Variants in SWAP70 observed in about 807,000 individuals in gnomAD.
The protein encoded by SWAP70 is switching B cell complex subunit SWAP70, also known as switch-associated protein 70.
In SWAP70, 34 loss-of-function variants were observed where a neutral mutation model predicts 80.2. That is an observed-to-expected ratio of 0.42 (90% CI 0.32 to 0.56). The LOEUF (loss-of-function observed/expected upper bound fraction) is 0.56, where lower values mean the gene tolerates loss of function less well. Among genes scored for constraint, SWAP70 ranks in the 20% least tolerant of loss-of-function variants. The pLI, the probability that SWAP70 is intolerant of heterozygous loss-of-function variation, is 0.09. For missense variants in SWAP70, 578 were observed against 690.7 expected, an observed-to-expected ratio of 0.84 and a Z score of 1.83; for synonymous variants, 239 against 238.5, an observed-to-expected ratio of 1.00 and a Z score of -0.02.
At chr11:9,703,884 C>G (rs1452935213) in intron 2 of SWAP70, among the ~76,000 whole-genome samples, 1 of 152,128 alleles carries the variant, frequency 6.6e-6, no homozygotes, top group Non-Finnish European at 1.5e-5. Context: ...AAATATAGAA[C>G]TGGGACTCAG....
At chr11:9,745,099 C>T (rs1008258799) in intron 9 of SWAP70, among the ~76,000 whole-genome samples, 2 of 152,100 alleles carry the variant, frequency 1.3e-5, no homozygotes, top group Non-Finnish European at 2.9e-5. Context: ...TCCAATGGGA[C>T]CACATGGAAC....
intron 9 of SWAP70, 167 bp downstream of exon 9, chr11:9,740,514 G>A: frequency 1.4e-6 from 1 of 716,826 alleles, no homozygotes. Context: ...TCGACCGGCT[G>A]GAGTGTTTCT....
intron 2 of SWAP70, among the ~76,000 whole-genome samples, chr11:9,713,110 A>T (rs1851020556): frequency 6.6e-6 from 1 of 152,184 alleles, no homozygotes; most frequent in Non-Finnish European, 1.5e-5. Context: ...ATTAATAGGA[A>T]GATAGTGTAT....
At chr11:9,742,829 A>G (rs1469813590) in intron 9 of SWAP70, among the ~76,000 whole-genome samples, 1 of 151,166 alleles carries the variant, frequency 6.6e-6, no homozygotes, top group Non-Finnish European at 1.5e-5. Flanking sequence ...TGAAATGCAC[A>G]TAATCTTACG....
chr11:9,664,659 CCT>C lies in SWAP70; in HGVS notation c.99+384_99+385del, dbSNP rs1590001778. ...CCTTACACAGCCTTCCCAGAATTTT[CCT>C]CTTACTCCAGGAGAGGAAGGGACTT... On this transcript the variant is annotated intron_variant, in intron 1 of 11. Transcript: ENST00000318950. 2.0e-5 allele frequency among the ~76,000 whole-genome samples: 3 copies of C among 152,314 alleles called. No individual in the cohort carries two copies. In the East Asian group the frequency reaches 5.8e-4, roughly 29 times the overall value.
In SWAP70 at chr11:9,665,158, A is replaced by G. The variant is rs139359645; in HGVS notation, c.99+880A>G. Among the ~76,000 whole-genome samples, 48 of 152,360 alleles carry G rather than the reference A, an allele frequency of 3.2e-4. No individual in the cohort carries two copies. The East Asian group carries it at 9.1e-3, about 29-fold the overall frequency. On this transcript the variant is annotated intron_variant, in intron 1 of 11. Coordinates refer to ENST00000318950, the MANE Select transcript of SWAP70 (RefSeq NM_015055.4). ...AAGCTATTCATAGGCATTTAAAAAT[A>G]TACATATTTTAGATCCGAATGTCCG... is the stretch of plus-strand genomic sequence containing the variant.
intron 2 of SWAP70, 23 bp from the exon 3 acceptor site, chr11:9,713,443 A>T (rs1456588004): frequency 6.2e-7 from 1 of 1,600,110 alleles, no homozygotes. Flanking sequence ...GATTTGTTGG[A>T]GTTTTTCCTT....
At chr11:9,673,771 G>C (rs538963781) in intron 1 of SWAP70, among the ~76,000 whole-genome samples, 4 of 152,254 alleles carry the variant, frequency 2.6e-5, no homozygotes, top group African/African-American at 7.2e-5. Flanking sequence ...AAAGGTTGGG[G>C]GAGATGAGAT....
chr11:9,734,895 GATT>G (rs1851344421), intron 7 of SWAP70, among the ~76,000 whole-genome samples: 1 of 152,140 alleles, frequency 6.6e-6, no homozygotes, highest in African/African-American at 2.4e-5. Flanking sequence ...AAAGTGCTGG[GATT>G]ACAGGAATGA....
intron 9 of SWAP70, among the ~76,000 whole-genome samples, chr11:9,743,687 A>G (rs1358001573): frequency 2.6e-5 from 4 of 151,824 alleles, no homozygotes; most frequent in Admixed American, 2.6e-4. Context: ...TTTTGGCTGC[A>G]TAAATGTCTT....
intron 1 of SWAP70, among the ~76,000 whole-genome samples, chr11:9,675,161 G>A (rs563630352): frequency 3.6e-4 from 55 of 152,050 alleles, no homozygotes; most frequent in Middle Eastern, 3.4e-3. Context: ...GGTGGCACAC[G>A]CCTGTAGTCC....
chr11:9,723,711 C>T (rs1282509091), intron 3 of SWAP70, among the ~76,000 whole-genome samples: 1 of 151,248 alleles, frequency 6.6e-6, no homozygotes, highest in Non-Finnish European at 1.5e-5. Flanking sequence ...GGTATCAATT[C>T]TCATTCAGTT....
intron 3 of SWAP70, among the ~76,000 whole-genome samples, chr11:9,717,667 A>AAAAG (rs1380685099): frequency 4.0e-5 from 6 of 151,884 alleles, no homozygotes; most frequent in Admixed American, 2.6e-4. Context: ...CTCAAAAAAA[A>AAAAG]AAAAAAAAAA....
chr11:9,730,314 C>A (rs974657475), intron 6 of SWAP70, among the ~76,000 whole-genome samples: 2 of 140,638 alleles, frequency 1.4e-5, no homozygotes, highest in Non-Finnish European at 3.0e-5. Flanking sequence ...CACGGTGAAA[C>A]CCCGTCTCTA....
intron 1 of SWAP70, among the ~76,000 whole-genome samples, chr11:9,679,561 A>G (rs910503196): frequency 6.6e-6 from 1 of 152,224 alleles, no homozygotes; most frequent in African/African-American, 2.4e-5. Context: ...CTGTTAGGTA[A>G]TAGGACAGCA....
At chr11:9,723,346 T>TA (rs1463963808) in intron 3 of SWAP70, among the ~76,000 whole-genome samples, 1 of 152,146 alleles carries the variant, frequency 6.6e-6, no homozygotes, top group African/African-American at 2.4e-5. Context: ...AAGCAAAACT[T>TA]ATCACAAAAC....
Position 9,664,111 on chromosome 11 carries a change from T to TGAGGGGCGTCCGAGGCGCG in SWAP70, c.-61_-43dup. On this transcript the variant is annotated 5_prime_UTR_variant, in exon 1 of 12. Transcript: ENST00000318950. ...CGCGGCGGGCTGTGGCTGCGGAGGTTGAGGGGCGTCCGAGGCGCGGAGGGG... is the reference window on the plus strand; with the variant it reads ...CGCGGCGGGCTGTGGCTGCGGAGGTTGAGGGGCGTCCGAGGCGCGGAGGGGCGTCCGAGGCGCGGAGGGG... The TGAGGGGCGTCCGAGGCGCG allele has an allele frequency of 6.9e-7, 1 of 1,452,974 alleles. No homozygotes were observed. Among genetic ancestry groups the TGAGGGGCGTCCGAGGCGCG allele is most frequent in the Non-Finnish European group, 9.2e-7 (1 of 1,081,988 alleles). The allele number at this position is 1,452,974 out of a possible 1,614,324, so 90.0% of individuals were successfully genotyped here.
At chr11:9,713,222 GGTCA>G (rs1387600937) in intron 2 of SWAP70, among the ~76,000 whole-genome samples, 2 of 152,164 alleles carry the variant, frequency 1.3e-5, no homozygotes, top group African/African-American at 4.8e-5. Flanking sequence ...CTATTTGAGA[GGTCA>G]GTATTTTATG....
Position 9,751,673 on chromosome 11 carries a change from A to G in SWAP70, c.*1703A>G, listed in dbSNP as rs1851591608. 6.6e-6 allele frequency: 1 copy of G among 152,252 alleles called. No homozygotes were observed. Among genetic ancestry groups the G allele is most frequent in the African/African-American group, 2.4e-5 (1 of 41,466 alleles). The allele number at this position is 152,252 out of a possible 1,614,324, so 9.4% of individuals were successfully genotyped here. ...GAGAGTGGTATTAGAGATTCAGTGTATGTATTTATTTACATGAGAGGAAAC... is the reference window on the plus strand; with the variant it reads ...GAGAGTGGTATTAGAGATTCAGTGTGTGTATTTATTTACATGAGAGGAAAC... On this transcript the variant is annotated 3_prime_UTR_variant, in exon 12 of 12. Coordinates refer to ENST00000318950, the MANE Select transcript of SWAP70 (RefSeq NM_015055.4).
Sources: allele counts gnomAD v4.1 joint callset (sites outside exome capture counted in the v4.1 genomes callset), GRCh38; gene constraint gnomAD v4.1.1; transcripts MANE v1.5; gene names NCBI Gene and HGNC (gene_info 2026-07-23, HGNC 2026-07-21).